Variants in GLB1L3 observed in about 807,000 individuals in gnomAD.
GLB1L3 encodes the protein beta-galactosidase-1-like protein 3.
A neutral mutation model predicts 89.5 loss-of-function variants in GLB1L3; 89 were observed. The observed-to-expected ratio is 0.99, with a 90% confidence interval of 0.84 to 1.19. The LOEUF (loss-of-function observed/expected upper bound fraction) is 1.19, where lower values mean the gene tolerates loss of function less well. Among genes scored for constraint, GLB1L3 ranks in the 50% most tolerant of loss-of-function variants. The probability of loss-of-function intolerance (pLI) is 0.00; values close to 1 mark genes in which losing one functional copy is unlikely to be tolerated. For synonymous variants in GLB1L3, 314 were observed against 312.3 expected (o/e 1.01, Z -0.06); for missense variants, 812 against 813.3 (o/e 1.00, Z 0.02).
At chr11:134,319,716 C>G (rs1177141970), downstream of GLB1L3, among the ~76,000 whole-genome samples, 39 of 138,570 alleles carry the variant, frequency 2.8e-4, 2 homozygotes, top group African/African-American at 9.6e-4. Flanking sequence ...CTCTCTCTCT[C>G]TCTGTGTATG....
In GLB1L3 at chr11:134,314,418, A is replaced by G; in HGVS notation, c.1756A>G (p.Lys586Glu). 3 of 1,551,060 alleles carry G rather than the reference A, an allele frequency of 1.9e-6. No homozygotes were observed. The highest frequency in any genetic ancestry group is 2.6e-6 in the Non-Finnish European group (3 of 1,146,438). ...GACCTTGAAGGCTGGCCCTTCTCCCAAGGACACCTTCCTGAGCCTGCTGGT... is the reference window on the plus strand; with the variant it reads ...GACCTTGAAGGCTGGCCCTTCTCCCGAGGACACCTTCCTGAGCCTGCTGGT... ...CGTLKAGPSP[K>E]DTFLSLLNWN... The change falls in exon 18 of 20, where the codon AAG becomes GAG. Residue 586 changes from lysine (K) to glutamate (E), a missense_variant. Around this residue, in one of 3 missense-constraint regions of GLB1L3, gnomAD observed 618 missense variants for 604.0 expected, o/e 1.02. Coordinates refer to ENST00000431683, the MANE Select transcript of GLB1L3 (RefSeq NM_001080407.3).
At chr11:134,324,876 T>C in the GLB1L3 span, among the ~76,000 whole-genome samples, 1 of 152,036 alleles carries the variant, frequency 6.6e-6, no homozygotes. Flanking sequence ...ATCTTTATTG[T>C]GTTAATATAT....
intron 18 of GLB1L3, among the ~76,000 whole-genome samples, chr11:134,317,430 A>G (rs1943032366): frequency 6.6e-6 from 1 of 152,098 alleles, no homozygotes; most frequent in African/African-American, 2.4e-5. Flanking sequence ...ATATTTTCCA[A>G]CTTCCTTTGT....
rs1940382045 is a variant in GLB1L3 at position 134,276,628 on chromosome 11, A to G, written c.-113A>G. ...CCTCGGCTGCAGGCGCAGCGCGCAG[A>G]CCTGAGCCTGCCCCGCGGAACCGGG... On this transcript the variant is annotated 5_prime_UTR_variant, in exon 1 of 20. Transcript: ENST00000431683. The G allele has an allele frequency of 4.0e-6, 4 of 1,002,384 alleles. No individual in the cohort carries two copies. The highest frequency in any genetic ancestry group is 1.7e-5 in the African/African-American group (1 of 58,844). 62.1% of individuals were successfully genotyped at this position (1,002,384 alleles called of 1,614,324 possible).
intron 14 of GLB1L3, 150 bp downstream of exon 14, chr11:134,312,639 G>C: frequency 9.0e-7 from 1 of 1,109,746 alleles, no homozygotes; most frequent in South Asian, 1.5e-5. Flanking sequence ...AAATAGACTT[G>C]CTTTCTGCTT....
Position 134,277,862 on chromosome 11 carries a change from G to C in GLB1L3, c.312G>C (p.Trp104Cys). 1.9e-6 allele frequency: 3 copies of C among 1,614,060 alleles called. 1 individual carries two copies. Among genetic ancestry groups the C allele is most frequent in the Non-Finnish European group, 2.5e-6 (3 of 1,180,010 alleles). ...ATTTCCGGGTGCCCAGGGAGTACTG[G>C]AGGGACCGCCTGCTGAAGCTGAAGG... is the stretch of plus-strand genomic sequence containing the variant. ...IHYFRVPREY[W>C]RDRLLKLKAC... Residue 104 changes from tryptophan (W) to cysteine (C), a missense_variant, in exon 3 of 20, where the codon TGG (tryptophan) becomes TGC (cysteine). Physicochemically the swap from Trp to Cys is radical, Grantham distance 215. This residue lies in a region of GLB1L3 where 191 missense variants were observed against 191.4 expected (regional missense o/e 1.00). Coordinates refer to ENST00000431683, the MANE Select transcript of GLB1L3 (RefSeq NM_001080407.3).
In GLB1L3 at chr11:134,309,622, G is replaced by T. The variant is rs757500182; in HGVS notation, c.962-4G>T. 2 of 1,589,354 alleles carry T rather than the reference G, an allele frequency of 1.3e-6. No individual in the cohort carries two copies. The highest frequency in any genetic ancestry group is 3.3e-4 in the Middle Eastern group (2 of 5,992). On this transcript the variant is annotated splice_region_variant and splice_polypyrimidine_tract_variant and intron_variant, in intron 10 of 19. Transcript: ENST00000431683. ...TCTCTGTGTTCTCATGTTCCCCTTT[G>T]CAGAGGTTGAACATGCTGTGTCTGA...
chr11:134,278,699 A>AAGATGCTT (rs1474217898), intron 3 of GLB1L3, among the ~76,000 whole-genome samples: 1 of 152,156 alleles, frequency 6.6e-6, no homozygotes, highest in East Asian at 1.9e-4. Context: ...TGTAAAGGAG[A>AAGATGCTT]AGATGCTTAG....
chr11:134,294,783 C>T (rs945764058), intron 9 of GLB1L3, among the ~76,000 whole-genome samples: 10 of 152,184 alleles, frequency 6.6e-5, no homozygotes, highest in East Asian at 3.9e-4. Context: ...GGTGTTTCTT[C>T]GAGGTCCATT....
Position 134,293,113 on chromosome 11 carries a change from GCCTCAGCTGGGTC to G in GLB1L3, c.812-31_812-19del, listed in dbSNP as rs1941449541. ...CCTTCCCTGACAGCACTTGTCTCATGCCTCAGCTGGGTCTCTCTCTTCTTTATGCAGTGTTGGC... is the reference window on the plus strand; with the variant it reads ...CCTTCCCTGACAGCACTTGTCTCATGTCTCTCTTCTTTATGCAGTGTTGGC... On this transcript the variant is annotated intron_variant, in intron 8 of 19. Transcript: ENST00000431683. 6.3e-7 allele frequency: 1 copy of G among 1,597,366 alleles called. No homozygotes were observed. Among genetic ancestry groups the G allele is most frequent in the Non-Finnish European group, 8.6e-7 (1 of 1,165,068 alleles).
rs371287128 is a variant in GLB1L3, at chr11:134,313,974, C to G, written c.1613C>G (p.Ser538Cys). The G allele has an allele frequency of 1.2e-6, 2 of 1,612,604 alleles. No homozygotes were observed. The highest frequency in any genetic ancestry group is 1.7e-5 in the Admixed American group (1 of 59,962). The change falls in exon 17 of 20, where the codon TCC becomes TGC. Residue 538 changes from serine to cysteine, a missense_variant. Ser to Cys is a moderately radical substitution (Grantham distance 112). Around this residue, in one of 3 missense-constraint regions of GLB1L3, gnomAD observed 618 missense variants for 604.0 expected, o/e 1.02. Transcript: ENST00000431683. ...ITGSVSINNS[S>C]LEGFTIYSLE... ...GGATCTGTCAGCATCAATAACTCTTCCCTGGAGGGCTTTACCATCTATTCC... is the reference window on the plus strand; with the variant it reads ...GGATCTGTCAGCATCAATAACTCTTGCCTGGAGGGCTTTACCATCTATTCC...
At chr11:134,283,876 T>G (rs999770061) in intron 6 of GLB1L3, 31 bp downstream of exon 6, 1 of 1,276,044 alleles carries the variant, frequency 7.8e-7, no homozygotes. Flanking sequence ...GCATCTTTCT[T>G]ACGTGCCCTT....
intron 9 of GLB1L3, among the ~76,000 whole-genome samples, chr11:134,299,104 T>C (rs903386986): frequency 2.0e-5 from 3 of 152,158 alleles, no homozygotes; most frequent in African/African-American, 4.8e-5. Context: ...GATGAGCCTA[T>C]TGAAGAAATT....
In GLB1L3 at chr11:134,312,542, C is replaced by T; in HGVS notation, c.1428+53C>T. ...AAGCAAAGTGCATCACCTCCCCATGCTGTCGGGCAGGGTAGTTGACTGAAG... is the reference window on the plus strand; with the variant it reads ...AAGCAAAGTGCATCACCTCCCCATGTTGTCGGGCAGGGTAGTTGACTGAAG... On this transcript the variant is annotated intron_variant, in intron 14 of 19. Coordinates refer to ENST00000431683, the MANE Select transcript of GLB1L3 (RefSeq NM_001080407.3). 3 of 1,592,584 alleles carry T rather than the reference C, an allele frequency of 1.9e-6. 1 individual carries two copies. The highest frequency in any genetic ancestry group is 2.2e-5 in the South Asian group (2 of 89,770).
intron 7 of GLB1L3, chr11:134,289,113 G>A: frequency 2.2e-6 from 1 of 445,268 alleles, no homozygotes; most frequent in Non-Finnish European, 4.0e-6. Context: ...ACTGTTGACT[G>A]GAAGCCTTAC....
intron 11 of GLB1L3, chr11:134,310,200 T>G (rs888473933): frequency 2.7e-6 from 1 of 364,380 alleles, no homozygotes; most frequent in African/African-American, 2.0e-5. Flanking sequence ...ACACTAACAC[T>G]AATGATAGCT....
At chr11:134,307,497 G>A (rs1457493317) in intron 10 of GLB1L3, among the ~76,000 whole-genome samples, 1 of 152,212 alleles carries the variant, frequency 6.6e-6, no homozygotes, top group African/African-American at 2.4e-5. Flanking sequence ...CAAACAGGGT[G>A]CAGTGATAGA....
At chr11:134,286,891 T>G (rs1941028027) in intron 6 of GLB1L3, among the ~76,000 whole-genome samples, 1 of 151,888 alleles carries the variant, frequency 6.6e-6, no homozygotes, top group South Asian at 2.1e-4. Context: ...CTGGGAGCTG[T>G]GGCTCACACC....
At chr11:134,316,559 C>G (rs1384862092) in intron 18 of GLB1L3, among the ~76,000 whole-genome samples, 2 of 152,216 alleles carry the variant, frequency 1.3e-5, no homozygotes, top group African/African-American at 4.8e-5. Flanking sequence ...ACAGCTGATA[C>G]TAAAGGTGAG....
Sources: gnomAD v4.1 joint callset for allele counts (sites outside exome capture counted in the v4.1 genomes callset) on GRCh38, gnomAD v4.1.1 for gene constraint, gnomAD v4.1.1 regional missense constraint, MANE v1.5 for transcripts, NCBI Gene and HGNC (gene_info 2026-07-23, HGNC 2026-07-21) for gene names.